IP6K3: variants seen among roughly 807,000 people sequenced by gnomAD.
IP6K3 encodes inositol hexakisphosphate kinase 3, also known as ATP:1D-myo-inositol-hexakisphosphate phosphotransferase.
IP6K3 carries 20 observed loss-of-function variants against 28.8 expected under a neutral mutation model. That is an observed-to-expected ratio of 0.70 (90% CI 0.49 to 1.01). IP6K3 has a LOEUF of 1.01. Among genes scored for constraint, IP6K3 ranks in the 50% least tolerant of loss-of-function variants. The pLI is 0.00. For missense variants in IP6K3, 480 were observed against 537.1 expected, an observed-to-expected ratio of 0.89 and a Z score of 1.05; for synonymous variants, 213 against 221.3, an observed-to-expected ratio of 0.96 and a Z score of 0.33.
At chr6:33,753,667 C>G in the IP6K3 span, among the ~76,000 whole-genome samples, 1 of 152,158 alleles carries the variant, frequency 6.6e-6, no homozygotes, top group African/African-American at 2.4e-5. Flanking sequence ...TCAACTGAAG[C>G]CAGGACTGCA....
At chr6:33,728,577 A>G (rs1341393331) in intron 2 of IP6K3, among the ~76,000 whole-genome samples, 2 of 152,128 alleles carry the variant, frequency 1.3e-5, no homozygotes, top group Non-Finnish European at 2.9e-5. Context: ...TGCGCTTTCA[A>G]CAAAGTCAAC....
At chr6:33,759,700 A>G in the IP6K3 span, among the ~76,000 whole-genome samples, 1 of 152,114 alleles carries the variant, frequency 6.6e-6, no homozygotes, top group Non-Finnish European at 1.5e-5. Context: ...CGTCTCTACT[A>G]AAAATAACAA....
chr6:33,733,862 C>T (rs1348974413), intron 2 of IP6K3, among the ~76,000 whole-genome samples: 1 of 152,238 alleles, frequency 6.6e-6, no homozygotes, highest in Non-Finnish European at 1.5e-5. Context: ...ATGCTCAAGG[C>T]TCCAGGCCCT....
At chr6:33,761,319 T>C in the IP6K3 span, among the ~76,000 whole-genome samples, 1 of 151,804 alleles carries the variant, frequency 6.6e-6, no homozygotes, top group Non-Finnish European at 1.5e-5. Flanking sequence ...CCCGTCCCCT[T>C]CTCTCCTGCC....
chr6:33,758,635 T>A, the IP6K3 span, among the ~76,000 whole-genome samples: 2 of 152,346 alleles, frequency 1.3e-5, no homozygotes, highest in African/African-American at 4.8e-5. Flanking sequence ...AGTCTCACTC[T>A]GTTCTCCAGG....
At chr6:33,749,654 G>A (rs187038984), upstream of IP6K3, among the ~76,000 whole-genome samples, 360 of 151,568 alleles carry the variant, frequency 2.4e-3, 2 homozygotes, top group African/African-American at 8.0e-3. Context: ...GTGTGCGCGC[G>A]GCCCCGGGAA....
chr6:33,759,518 CTG>C, the IP6K3 span, among the ~76,000 whole-genome samples: 5 of 152,186 alleles, frequency 3.3e-5, no homozygotes, highest in Non-Finnish European at 7.3e-5. Flanking sequence ...GCGTGAGTCA[CTG>C]TGCCCAGCTA....
intron 1 of IP6K3, among the ~76,000 whole-genome samples, chr6:33,745,765 G>A (rs1766884656): frequency 6.6e-6 from 1 of 152,190 alleles, no homozygotes; most frequent in African/African-American, 2.4e-5. Context: ...TGGGTTATGT[G>A]AGGACCTGCT....
At chr6:33,754,514 G>A in the IP6K3 span, among the ~76,000 whole-genome samples, 1 of 152,218 alleles carries the variant, frequency 6.6e-6, no homozygotes, top group Non-Finnish European at 1.5e-5. Context: ...GGTTGCAGCT[G>A]GGGGCTGCCA....
Position 33,725,532 on chromosome 6 carries a change from T to A in IP6K3, c.674A>T (p.Asp225Val). The stretch of plus-strand genomic sequence containing the variant: ...GGCCTTCTTCTCCTCCGATGCATCA[T>A]CGCCGTGCTGCCGGGTCCCCATCTT... ...DLKMGTRQHG[D>V]DASEEKKARH... is the part of the protein sequence containing the mutation. Residue 225 changes from aspartate (D) to valine (V), a missense_variant, in exon 5 of 6, where the codon GAT (aspartate) becomes GTT (valine). Coordinates refer to ENST00000293756, the MANE Select transcript of IP6K3 (RefSeq NM_054111.5). 6.2e-7 allele frequency: 1 copy of A among 1,614,164 alleles called. No individual in the cohort carries two copies. The highest frequency in any genetic ancestry group is 2.2e-5 in the East Asian group (1 of 44,888).
At chr6:33,751,409 G>C (rs1767019381), upstream of IP6K3, among the ~76,000 whole-genome samples, 1 of 152,116 alleles carries the variant, frequency 6.6e-6, no homozygotes, top group South Asian at 2.1e-4. The surrounding 1 kb of genome is among the most constrained non-coding windows in gnomAD (Gnocchi z 4.3). Flanking sequence ...CTCTCTGGAA[G>C]GCAGATGGCC....
chr6:33,735,115 C>A (rs1355402990), intron 2 of IP6K3, among the ~76,000 whole-genome samples, 163 bp downstream of exon 2: 2 of 152,190 alleles, frequency 1.3e-5, no homozygotes, highest in African/African-American at 4.8e-5. Flanking sequence ...TTGAAGAGTT[C>A]AGAGAAACTA....
the IP6K3 span, among the ~76,000 whole-genome samples, chr6:33,758,594 TTTG>T: frequency 2.0e-5 from 3 of 152,192 alleles, no homozygotes; most frequent in African/African-American, 4.8e-5. Flanking sequence ...AAAAGTTTTT[TTTG>T]TTGTTGTTGT....
the IP6K3 span, among the ~76,000 whole-genome samples, chr6:33,759,296 A>C: frequency 6.6e-6 from 1 of 152,000 alleles, no homozygotes; most frequent in African/African-American, 2.4e-5. Flanking sequence ...TTCTTTTTTG[A>C]GACAGAGTCT....
chr6:33,724,864 G>A (rs959852210), intron 5 of IP6K3, among the ~76,000 whole-genome samples: 2 of 152,296 alleles, frequency 1.3e-5, no homozygotes, highest in Non-Finnish European at 2.9e-5. Context: ...GGCCACTGTG[G>A]AAAGTTTCGG....
At position 33,746,379 on chromosome 6, in the gene IP6K3, G is replaced by A. The variant is rs72880503; in HGVS notation, c.-180+379C>T. 0.049 allele frequency among the ~76,000 whole-genome samples: 7,384 copies of A among 152,162 alleles called. 261 individuals carry two copies. The highest frequency in any genetic ancestry group is 0.077 in the Non-Finnish European group (5,201 of 67,974). ...ACACCGGCCTCTGTTAAGGGTTAAC[G>A]CAGCCCCCGGTACTTGCCCCTCCCC... On this transcript the variant is annotated intron_variant, in intron 1 of 5. Transcript: ENST00000293756. This position sits in a 1 kb window ranked among gnomAD's most constrained non-coding sequence, Gnocchi z 6.5.
At chr6:33,731,378 C>T (rs1285586165) in intron 2 of IP6K3, among the ~76,000 whole-genome samples, 4 of 152,202 alleles carry the variant, frequency 2.6e-5, no homozygotes, top group East Asian at 1.9e-4. Context: ...GGACAGGAAG[C>T]GTGACCTTCA....
rs200747722 is a variant in IP6K3 at position 33,725,579 on chromosome 6, C to T, written c.627G>A (p.Thr209=). Reference sequence around the variant, plus strand: ...TCTTCAGATCCAGGACACAGGGATGCGTGTACTGTGACACTACATTTTCCA... The same window carrying T: ...TCTTCAGATCCAGGACACAGGGATGTGTGTACTGTGACACTACATTTTCCA... ...LLLENVVSQY[T]HPCVLDLKMG... The change falls in exon 5 of 6, where the codon ACG becomes ACA. Residue 209 remains threonine, a synonymous_variant. Transcript: ENST00000293756. 3.5e-5 allele frequency: 57 copies of T among 1,614,028 alleles called. No homozygotes were observed. The highest frequency in any genetic ancestry group is 3.8e-5 in the Non-Finnish European group (45 of 1,180,012).
chr6:33,749,659 C>T (rs779190124), upstream of IP6K3, among the ~76,000 whole-genome samples: 14 of 151,474 alleles, frequency 9.2e-5, no homozygotes, highest in Non-Finnish European at 1.3e-4. Context: ...CGCGCGGCCC[C>T]GGGAATGGGA....
Sources: gnomAD v4.1 joint callset for allele counts (sites outside exome capture counted in the v4.1 genomes callset) on GRCh38, gnomAD v4.1.1 for gene constraint, Gnocchi (gnomAD v3.1) non-coding constraint, MANE v1.5 for transcripts, NCBI Gene and HGNC (gene_info 2026-07-23, HGNC 2026-07-21) for gene names.